Variants in DCC observed in about 807,000 individuals in gnomAD.
The protein encoded by DCC is DCC netrin 1 receptor, also known as netrin receptor DCC.
Under a neutral mutation model 172.5 loss-of-function variants are expected in DCC, and 58 were observed. That is an observed-to-expected ratio of 0.34 (90% confidence interval 0.27 to 0.42). The LOEUF is 0.42. Ranked by LOEUF, DCC falls within the 10% of genes least tolerant of loss-of-function variation. DCC has a pLI of 1.00. For missense variants in DCC, 1,740 were observed against 1,791.0 expected (o/e 0.97, Z 0.51); for synonymous variants, 709 against 644.5 (o/e 1.10, Z -1.52).
intron 8 of DCC, among the ~76,000 whole-genome samples, chr18:53,163,505 T>C (rs1367588354): frequency 6.6e-6 from 1 of 152,204 alleles, no homozygotes; most frequent in East Asian, 1.9e-4. Flanking sequence ...AATACCTTTC[T>C]AAAACGTTGT....
intron 2 of DCC, among the ~76,000 whole-genome samples, chr18:52,853,694 G>T (rs2039010779): frequency 6.6e-6 from 1 of 152,240 alleles, no homozygotes; most frequent in Admixed American, 6.5e-5. Context: ...TGGAAACAGA[G>T]TGTCTGTCTA....
At chr18:52,925,528 C>T (rs2040187987) in intron 5 of DCC, among the ~76,000 whole-genome samples, 158 bp downstream of exon 5, 2 of 151,892 alleles carry the variant, frequency 1.3e-5, no homozygotes, top group African/African-American at 4.8e-5. Context: ...TGATTAATTG[C>T]ATAGGGGTTA....
chr18:52,671,065 TA>T (rs1382867771), intron 1 of DCC, among the ~76,000 whole-genome samples: 6 of 152,162 alleles, frequency 3.9e-5, no homozygotes, highest in Non-Finnish European at 7.3e-5. Context: ...TTACAAGTCA[TA>T]ACCGAGCTTA....
intron 1 of DCC, among the ~76,000 whole-genome samples, chr18:52,496,795 T>C (rs2030770135): frequency 6.6e-6 from 1 of 152,126 alleles, no homozygotes; most frequent in Non-Finnish European, 1.5e-5. Context: ...CTGTTTCTCA[T>C]CAGTTTAAAT....
intron 12 of DCC, among the ~76,000 whole-genome samples, chr18:53,215,876 T>C (rs935660484): frequency 1.3e-5 from 2 of 152,132 alleles, no homozygotes; most frequent in Non-Finnish European, 2.9e-5. Flanking sequence ...GGCTATTCCA[T>C]AAGGAAACAA....
At chr18:53,302,019 G>A (rs536617216) in intron 12 of DCC, among the ~76,000 whole-genome samples, 5 of 152,050 alleles carry the variant, frequency 3.3e-5, no homozygotes, top group African/African-American at 2.4e-5. Context: ...CTGAGGCCTC[G>A]CTCACTTGGC....
rs1287884793 is a variant in DCC at position 53,464,627 on chromosome 18, TA to T, written c.3620-3256del. Among the ~76,000 whole-genome samples, 274 of 143,120 alleles carry T rather than the reference TA, an allele frequency of 1.9e-3. 5 individuals are homozygous for T. In the East Asian group the frequency reaches 0.032, roughly 17 times the overall value. 93.9% of individuals were successfully genotyped at this position (143,120 alleles called of 152,430 possible). On this transcript the variant is annotated intron_variant, in intron 24 of 28. Transcript: ENST00000442544. ...TATCAAGCACAGTCTATTTTTAGAA[TA>T]AAAAAAAAAACTGAAAACCCACACA...
rs559577616 is a variant in DCC at position 52,680,922 on chromosome 18, G to A, written c.92-71132G>A. Among the ~76,000 whole-genome samples, 19 of 152,130 alleles carry A rather than the reference G, an allele frequency of 1.2e-4. 1 individual carries two copies. Among genetic ancestry groups the A allele is most frequent in the Admixed American group, 2.0e-4 (3 of 15,230 alleles). On this transcript the variant is annotated intron_variant, in intron 1 of 28. Coordinates refer to ENST00000442544, the MANE Select transcript of DCC (RefSeq NM_005215.4). ...GATGAATGATTTTGTTGGTTAAAAC[G>A]CAGAAGAAAAATACTGGTTAGTTTT...
intron 5 of DCC, among the ~76,000 whole-genome samples, chr18:52,986,859 A>C (rs9956591): frequency 7.5e-6 from 1 of 133,288 alleles, no homozygotes; most frequent in Non-Finnish European, 1.6e-5. Context: ...CACACACACA[A>C]ACAGACATAT....
At chr18:53,367,230 TATA>T (rs1240443920) in intron 15 of DCC, among the ~76,000 whole-genome samples, 1 of 152,130 alleles carries the variant, frequency 6.6e-6, no homozygotes, top group Admixed American at 6.6e-5. Context: ...CACATTATCT[TATA>T]ATAATTACAA....
chr18:53,016,026 G>C (rs1312287480), intron 5 of DCC, among the ~76,000 whole-genome samples: 1 of 152,018 alleles, frequency 6.6e-6, no homozygotes, highest in South Asian at 2.1e-4. Context: ...TTAATCCATA[G>C]CTGAATAATG....
chr18:52,720,176 CCTAGGCTGAGAGGCAAG>C (rs1329020902), intron 1 of DCC, among the ~76,000 whole-genome samples: 1 of 152,070 alleles, frequency 6.6e-6, no homozygotes, highest in Non-Finnish European at 1.5e-5. Flanking sequence ...CAGTGTATTT[CCTAGGCTGAGAGGCAAG>C]CATGGCTCAA....
At chr18:52,705,538 T>C (rs1451655602) in intron 1 of DCC, among the ~76,000 whole-genome samples, 2 of 152,122 alleles carry the variant, frequency 1.3e-5, no homozygotes, top group African/African-American at 4.8e-5. Flanking sequence ...GGGGTTTCTG[T>C]CAAATGTTTG....
chr18:52,936,052 A>C (rs2040377658), intron 5 of DCC, among the ~76,000 whole-genome samples: 1 of 149,762 alleles, frequency 6.7e-6, no homozygotes, highest in South Asian at 2.1e-4. Flanking sequence ...AAATGAGTTA[A>C]GAGAGTTTTT....
intron 12 of DCC, among the ~76,000 whole-genome samples, chr18:53,291,043 C>T (rs2056997820): frequency 6.6e-6 from 1 of 152,036 alleles, no homozygotes; most frequent in African/African-American, 2.4e-5. Context: ...TGGCAGGCTC[C>T]TGTAATCCCA....
intron 12 of DCC, among the ~76,000 whole-genome samples, chr18:53,292,119 C>T (rs912109725): frequency 1.3e-5 from 2 of 151,766 alleles, no homozygotes; most frequent in Non-Finnish European, 2.9e-5. Context: ...CTCCACCCCC[C>T]CCCCCTTTTT....
intron 1 of DCC, among the ~76,000 whole-genome samples, chr18:52,643,204 A>C (rs914984864): frequency 6.6e-6 from 1 of 152,190 alleles, no homozygotes; most frequent in African/African-American, 2.4e-5. Context: ...GTAATTTAAG[A>C]AAGATTGAAT....
At chr18:52,871,822 C>T (rs1181663907) in intron 2 of DCC, among the ~76,000 whole-genome samples, 3 of 152,172 alleles carry the variant, frequency 2.0e-5, no homozygotes, top group African/African-American at 4.8e-5. Flanking sequence ...AGAAGGTACA[C>T]GAGTTGCTAC....
chr18:53,481,551 A>C (rs1028753441), intron 25 of DCC, among the ~76,000 whole-genome samples: 1 of 152,156 alleles, frequency 6.6e-6, no homozygotes, highest in African/African-American at 2.4e-5. Context: ...CCCAGATAAT[A>C]TACAGGTCAT....
Sources: gnomAD v4.1 joint callset for allele counts (sites outside exome capture counted in the v4.1 genomes callset) on GRCh38, gnomAD v4.1.1 for gene constraint, MANE v1.5 for transcripts, NCBI Gene and HGNC (gene_info 2026-07-23, HGNC 2026-07-21) for gene names.